TNFRSF10B: variants seen among roughly 807,000 people sequenced by gnomAD.
The protein encoded by TNFRSF10B is TNF receptor superfamily member 10b, also known as tumor necrosis factor receptor superfamily member 10B.
In TNFRSF10B, 35 loss-of-function variants were observed where a neutral mutation model predicts 41.4. That is an observed-to-expected ratio of 0.85 (90% CI 0.65 to 1.12). The LOEUF is 1.12. TNFRSF10B is among the 50% of genes most tolerant of loss of function. The pLI is 0.00. For synonymous variants in TNFRSF10B, 230 were observed against 215.5 expected (o/e 1.07, Z -0.59); for missense variants, 584 against 552.7 (o/e 1.06, Z -0.57).
rs150700582 is a variant in TNFRSF10B at position 23,061,869 on chromosome 8, C to T, written c.144+6882G>A. Among the ~76,000 whole-genome samples, 414 of 152,332 alleles carry T rather than the reference C, an allele frequency of 2.7e-3. 3 individuals are homozygous for T. The highest frequency in any genetic ancestry group is 9.3e-3 in the African/African-American group (386 of 41,578). On this transcript the variant is annotated intron_variant, in intron 1 of 8. Transcript: ENST00000276431. ...GTTTTCATTTGTTCAAACATTCTTGCATTCCGGAAATAAATCCAACTTGGT... is the reference window on the plus strand; with the variant it reads ...GTTTTCATTTGTTCAAACATTCTTGTATTCCGGAAATAAATCCAACTTGGT...
chr8:23,027,441 G>A lies in TNFRSF10B; in HGVS notation c.781-153C>T, dbSNP rs115748574. 4.8e-4 allele frequency: 462 copies of A among 963,130 alleles called. No individual in the cohort carries two copies. In the African/African-American group the frequency reaches 6.3e-3, roughly 13 times the overall value. The allele number at this position is 963,130 out of a possible 1,614,324, so 59.7% of individuals were successfully genotyped here. A position where few individuals can be genotyped will look rare whatever the true frequency, so the allele number is the denominator to read the frequency against. On this transcript the variant is annotated intron_variant, in intron 6 of 8. Transcript: ENST00000276431. ...CCCAGACTCAGCACATCCAGGACCC[G>A]CTGCTGGGGCCAGGCCCCCAGTGCT...
At chr8:23,043,265 G>A in intron 1 of TNFRSF10B, 22 bp from the exon 2 acceptor site, 1 of 1,603,080 alleles carries the variant, frequency 6.2e-7, no homozygotes, top group Non-Finnish European at 8.5e-7. Flanking sequence ...AAGCAGGGAT[G>A]GGCATGAGTG....
At chr8:23,024,088 G>T in intron 8 of TNFRSF10B, 100 bp downstream of exon 8, 1 of 1,460,548 alleles carries the variant, frequency 6.8e-7, no homozygotes, top group Non-Finnish European at 9.6e-7. Context: ...CTTCCAGCAT[G>T]GAATACTCTG....
At chr8:23,057,121 G>A (rs1018814241) in intron 1 of TNFRSF10B, among the ~76,000 whole-genome samples, 3 of 147,592 alleles carry the variant, frequency 2.0e-5, no homozygotes, top group Non-Finnish European at 4.4e-5. Flanking sequence ...CTCACTGCAA[G>A]CTCTGCGTCC....
At chr8:23,056,109 C>G (rs1812657533) in intron 1 of TNFRSF10B, among the ~76,000 whole-genome samples, 1 of 152,002 alleles carries the variant, frequency 6.6e-6, no homozygotes, top group South Asian at 2.1e-4. Context: ...GGTTGTTCCT[C>G]AAAAAATTAA....
At position 23,059,685 on chromosome 8, in the gene TNFRSF10B, T is replaced by C. The variant is rs917507197; in HGVS notation, c.144+9066A>G. Among the ~76,000 whole-genome samples, 5 of 43,968 alleles carry C rather than the reference T, an allele frequency of 1.1e-4. No homozygotes were observed. In the East Asian group the frequency reaches 8.1e-3, roughly 71 times the overall value. The allele number at this position is 43,968 out of a possible 152,430, so 28.8% of individuals were successfully genotyped here. ...CCACGCCGGGCTAATTTTTTTGTAT[T>C]TTTTTTTTAGTGGAGACGGGGTCTC... On this transcript the variant is annotated intron_variant, in intron 1 of 8. Transcript: ENST00000276431.
In TNFRSF10B at chr8:23,043,127, C is replaced by T. The variant is rs780121885; in HGVS notation, c.250+11G>A. ...GGAGGGGCAAGGATTAGAGACCCAT[C>T]TTGAACATACCAGGTGGACACAATC... On this transcript the variant is annotated intron_variant, in intron 2 of 8. Coordinates refer to ENST00000276431, the MANE Select transcript of TNFRSF10B (RefSeq NM_003842.5). 1 of 1,613,410 alleles carries T rather than the reference C, an allele frequency of 6.2e-7. No homozygotes were observed. Among genetic ancestry groups the T allele is most frequent in the African/African-American group, 1.3e-5 (1 of 74,930 alleles).
rs1812102425 is a variant in TNFRSF10B, at chr8:23,039,162, A to G, written c.250+3976T>C. ...AGTTCACAATAGGGTTCACGCTCCT[A>G]TGAAGTCTAATGCTGCCGCTGATTT... is the stretch of plus-strand genomic sequence containing the variant. On this transcript the variant is annotated intron_variant, in intron 2 of 8. Transcript: ENST00000276431. Among the ~76,000 whole-genome samples the G allele has an allele frequency of 3.3e-5, 5 of 151,850 alleles. No homozygotes were observed. The South Asian group carries it at 1.0e-3, about 32-fold the overall frequency.
chr8:23,033,892 C>T (rs1237308214), intron 2 of TNFRSF10B, among the ~76,000 whole-genome samples: 1 of 152,042 alleles, frequency 6.6e-6, no homozygotes, highest in Non-Finnish European at 1.5e-5. Flanking sequence ...ATGAGGGCCC[C>T]ACCCTCATGA....
At chr8:23,057,377 C>T (rs1035082960) in intron 1 of TNFRSF10B, among the ~76,000 whole-genome samples, 1 of 150,654 alleles carries the variant, frequency 6.6e-6, no homozygotes, top group Non-Finnish European at 1.5e-5. Flanking sequence ...TTTGTCAAAC[C>T]ATTCCATTAA....
chr8:23,021,338 C>T lies in TNFRSF10B; in HGVS notation c.*1333G>A, dbSNP rs751488133. The T allele has an allele frequency of 3.1e-5, 14 of 453,990 alleles. No individual in the cohort carries two copies. The East Asian group carries it at 9.7e-4, about 32-fold the overall frequency. The allele number at this position is 453,990 out of a possible 1,614,324, so 28.1% of individuals were successfully genotyped here. A position where few individuals can be genotyped will look rare whatever the true frequency, so the allele number is the denominator to read the frequency against. On this transcript the variant is annotated 3_prime_UTR_variant, in exon 9 of 9. Coordinates refer to ENST00000276431, the MANE Select transcript of TNFRSF10B (RefSeq NM_003842.5). Reference sequence around the variant, plus strand: ...GGTCCTCAAGTAGGCAATCTGTACCCTAAAAGGCAGCTCATGGGCTCAGGG... The same window carrying T: ...GGTCCTCAAGTAGGCAATCTGTACCTTAAAAGGCAGCTCATGGGCTCAGGG...
At chr8:23,038,143 C>T (rs1812074202) in intron 2 of TNFRSF10B, among the ~76,000 whole-genome samples, 1 of 152,180 alleles carries the variant, frequency 6.6e-6, no homozygotes, top group African/African-American at 2.4e-5. Context: ...TGTTATTCCA[C>T]AATGGACGTA....
intron 4 of TNFRSF10B, among the ~76,000 whole-genome samples, chr8:23,028,932 G>C (rs551036141): frequency 6.6e-6 from 1 of 152,210 alleles, no homozygotes; most frequent in Non-Finnish European, 1.5e-5. Context: ...TCACAAGCCC[G>C]TGTGGCCACA....
chr8:23,054,900 G>T (rs1246295961), intron 1 of TNFRSF10B, among the ~76,000 whole-genome samples: 1 of 152,132 alleles, frequency 6.6e-6, no homozygotes, highest in Non-Finnish European at 1.5e-5. Flanking sequence ...TTGCTGCACG[G>T]TATATAAGTA....
At chr8:23,050,293 G>GT (rs75448133) in intron 1 of TNFRSF10B, among the ~76,000 whole-genome samples, 24,307 of 152,142 alleles carry the variant, frequency 0.16, 2,672 homozygotes, top group East Asian at 0.47. Context: ...GTTTCCATTT[G>GT]TTTGTGTGTC....
At chr8:23,035,747 C>T (rs189095791) in intron 2 of TNFRSF10B, among the ~76,000 whole-genome samples, 1 of 152,286 alleles carries the variant, frequency 6.6e-6, no homozygotes, top group African/African-American at 2.4e-5. Flanking sequence ...CTGCCACCCC[C>T]ACCTCCCTAC....
chr8:23,067,454 A>AC (rs1336727861), intron 1 of TNFRSF10B, among the ~76,000 whole-genome samples: 2 of 151,990 alleles, frequency 1.3e-5, no homozygotes, highest in Non-Finnish European at 2.9e-5. Flanking sequence ...ATAAAAAAAA[A>AC]ACCCCACAAC....
chr8:23,050,994 T>A (rs12114293), intron 1 of TNFRSF10B, among the ~76,000 whole-genome samples: 36,667 of 152,070 alleles, frequency 0.24, 4,637 homozygotes, highest in Non-Finnish European at 0.25. Flanking sequence ...GAATTGCTTT[T>A]ACCTGGGAGG....
At chr8:23,063,445 G>A (rs1465060667) in intron 1 of TNFRSF10B, among the ~76,000 whole-genome samples, 4 of 151,716 alleles carry the variant, frequency 2.6e-5, no homozygotes, top group Non-Finnish European at 5.9e-5. Context: ...GAGCAATGAC[G>A]TGCCCATACT....
Sources: gnomAD v4.1 joint callset for allele counts (sites outside exome capture counted in the v4.1 genomes callset) on GRCh38, gnomAD v4.1.1 for gene constraint, MANE v1.5 for transcripts, NCBI Gene and HGNC (gene_info 2026-07-23, HGNC 2026-07-21) for gene names.